STON1: variants seen among roughly 807,000 people sequenced by gnomAD.
STON1 encodes stonin-1.
A neutral mutation model predicts 60.9 loss-of-function variants in STON1; 79 were observed. That is an observed-to-expected ratio of 1.30 (90% confidence interval 1.08 to 1.56). The LOEUF (loss-of-function observed/expected upper bound fraction) is 1.56. Among genes scored for constraint, STON1 ranks in the 40% most tolerant of loss-of-function variants. STON1 has a pLI of 0.00. For synonymous variants in STON1, 363 were observed against 306.9 expected, an observed-to-expected ratio of 1.18 and a Z score of -1.91; for missense variants, 1,166 against 858.9, an observed-to-expected ratio of 1.36 and a Z score of -4.47.
rs1672837384 is a variant in STON1, at chr2:48,564,586, TCC to T, written c.-47-16000_-47-15999del. Among the ~76,000 whole-genome samples, 53 of 65,874 alleles carry T rather than the reference TCC, an allele frequency of 8.0e-4. 11 individuals are homozygous for T. Among genetic ancestry groups the T allele is most frequent in the Non-Finnish European group, 7.3e-4 (21 of 28,832 alleles). The allele number at this position is 65,874 out of a possible 152,430, so 43.2% of individuals were successfully genotyped here. On this transcript the variant is annotated intron_variant, in intron 1 of 3. Transcript: ENST00000404752. ...CTTCTTCTCCTTCTCCTTCTCCTCCTCCTCCTCCTCCTCCTCCTTCTCCTTCT... is the reference window on the plus strand; with the variant it reads ...CTTCTTCTCCTTCTCCTTCTCCTCCTTCCTCCTCCTCCTCCTTCTCCTTCT...
rs116688351 is a variant in STON1, at chr2:48,542,470, G to A, written c.-48+12254G>A. ...AGTAATAACAAAATCCACCTCAAAA[G>A]GTTGTTCTGAAGATCAAGTGAGATA... On this transcript the variant is annotated intron_variant, in intron 1 of 3. Transcript: ENST00000404752. Among the ~76,000 whole-genome samples, 1,482 of 152,202 alleles carry A rather than the reference G, an allele frequency of 9.7e-3. 24 individuals are homozygous for A. The highest frequency in any genetic ancestry group is 0.032 in the African/African-American group (1,311 of 41,516).
intron 1 of STON1, among the ~76,000 whole-genome samples, chr2:48,568,764 T>C (rs1673056211): frequency 6.6e-6 from 1 of 152,186 alleles, no homozygotes; most frequent in Admixed American, 6.5e-5. Flanking sequence ...TGAGCAACCT[T>C]GGGGAAAATT....
In STON1 at chr2:48,534,002, C is replaced by T. The variant is rs985388680; in HGVS notation, c.-48+3786C>T. ...CAGGCTGGTTTCGAACTCCTGATCTCAGGTGATCCGCCAGCCTCAGCCTCC... is the reference window on the plus strand; with the variant it reads ...CAGGCTGGTTTCGAACTCCTGATCTTAGGTGATCCGCCAGCCTCAGCCTCC... On this transcript the variant is annotated intron_variant, in intron 1 of 3. Transcript: ENST00000404752. Among the ~76,000 whole-genome samples the T allele has an allele frequency of 5.9e-5, 9 of 152,046 alleles. No individual in the cohort carries two copies. The South Asian group carries it at 1.9e-3, about 32-fold the overall frequency.
At chr2:48,549,021 C>T (rs777098661) in intron 1 of STON1, among the ~76,000 whole-genome samples, 5 of 152,128 alleles carry the variant, frequency 3.3e-5, no homozygotes, top group Non-Finnish European at 7.3e-5. Flanking sequence ...AGCCCGGAAC[C>T]CACATTTCTT....
intron 2 of STON1, among the ~76,000 whole-genome samples, chr2:48,587,475 T>C (rs748445110): frequency 2.0e-5 from 3 of 152,088 alleles, no homozygotes; most frequent in African/African-American, 4.8e-5. Context: ...GTGTTTTTAG[T>C]AGAGATGGGG....
intron 1 of STON1, among the ~76,000 whole-genome samples, chr2:48,578,669 A>G (rs1009902319): frequency 2.9e-4 from 39 of 135,362 alleles, no homozygotes; most frequent in African/African-American, 1.1e-3. Context: ...GCTCACTGCA[A>G]CCTCCTCCTC....
chr2:48,576,077 G>T (rs192195901), intron 1 of STON1, among the ~76,000 whole-genome samples: 212 of 150,792 alleles, frequency 1.4e-3, no homozygotes, highest in Non-Finnish European at 2.5e-3. Context: ...ATTTTTTGAG[G>T]GCCTTCCATA....
In STON1 at chr2:48,534,087, G is replaced by C. The variant is rs575456803; in HGVS notation, c.-48+3871G>C. ...CCTGGCCTGGGGTTAATTTTTGAAAGCAAGTTATAAAATGGAAAGCACTAT... is the reference window on the plus strand; with the variant it reads ...CCTGGCCTGGGGTTAATTTTTGAAACCAAGTTATAAAATGGAAAGCACTAT... On this transcript the variant is annotated intron_variant, in intron 1 of 3. Transcript: ENST00000404752. 8.5e-5 allele frequency among the ~76,000 whole-genome samples: 13 copies of C among 152,122 alleles called. 1 individual carries two copies. The South Asian group carries it at 2.7e-3, about 32-fold the overall frequency.
At chr2:48,570,630 A>T (rs1224428501) in intron 1 of STON1, among the ~76,000 whole-genome samples, 1 of 152,080 alleles carries the variant, frequency 6.6e-6, no homozygotes, top group Non-Finnish European at 1.5e-5. Flanking sequence ...TCCTGGTGTG[A>T]ATAGGCATGT....
chr2:48,589,346 C>G (rs1324623701), intron 2 of STON1, among the ~76,000 whole-genome samples: 1 of 152,176 alleles, frequency 6.6e-6, no homozygotes. Context: ...TGAACAATGA[C>G]CAAAGCTGGA....
chr2:48,538,070 C>T (rs1671503197), intron 1 of STON1, among the ~76,000 whole-genome samples: 1 of 151,764 alleles, frequency 6.6e-6, no homozygotes, highest in African/African-American at 2.4e-5. Context: ...TCTCCTGCCT[C>T]AGCCTCCTTA....
intron 1 of STON1, among the ~76,000 whole-genome samples, chr2:48,549,074 G>T (rs1037173525): frequency 6.6e-6 from 1 of 152,184 alleles, no homozygotes; most frequent in Non-Finnish European, 1.5e-5. Context: ...CAGTGCATTT[G>T]CTAATAGCAC....
At chr2:48,551,698 A>T (rs1005331881) in intron 1 of STON1, among the ~76,000 whole-genome samples, 8 of 152,264 alleles carry the variant, frequency 5.3e-5, no homozygotes, top group African/African-American at 1.9e-4. Context: ...CTTGCCTTGC[A>T]AGGAGCATGT....
At chr2:48,538,501 C>T (rs145746480) in intron 1 of STON1, among the ~76,000 whole-genome samples, 4 of 151,996 alleles carry the variant, frequency 2.6e-5, no homozygotes, top group African/African-American at 9.6e-5. Context: ...CATAGTTATT[C>T]GTAATTTTCT....
intron 1 of STON1, among the ~76,000 whole-genome samples, chr2:48,532,683 G>A (rs530616226): frequency 1.3e-5 from 2 of 152,276 alleles, no homozygotes; most frequent in Admixed American, 1.3e-4. Flanking sequence ...GGTTTGCCAC[G>A]GGTACAAGAG....
At chr2:48,568,225 C>G (rs1269096481) in intron 1 of STON1, among the ~76,000 whole-genome samples, 1 of 152,050 alleles carries the variant, frequency 6.6e-6, no homozygotes, top group African/African-American at 2.4e-5. Context: ...AGTCCTCCCC[C>G]AACATCTAGC....
At chr2:48,539,054 A>G (rs896001043) in intron 1 of STON1, among the ~76,000 whole-genome samples, 1 of 152,000 alleles carries the variant, frequency 6.6e-6, no homozygotes, top group African/African-American at 2.4e-5. Flanking sequence ...AGTAGCTGAG[A>G]CTACAGGTGC....
intron 3 of STON1, 136 bp downstream of exon 3, chr2:48,591,991 G>A: frequency 8.1e-7 from 1 of 1,236,220 alleles, no homozygotes. Context: ...TCTCAGCTAT[G>A]GAAACTTGAT....
At chr2:48,571,073 C>G (rs1673184924) in intron 1 of STON1, among the ~76,000 whole-genome samples, 1 of 152,084 alleles carries the variant, frequency 6.6e-6, no homozygotes, top group South Asian at 2.1e-4. Flanking sequence ...CCAGGCTGCT[C>G]TTGAACTCCT....
Sources: gnomAD v4.1 joint callset for allele counts (sites outside exome capture counted in the v4.1 genomes callset) on GRCh38, gnomAD v4.1.1 for gene constraint, MANE v1.5 for transcripts, NCBI Gene and HGNC (gene_info 2026-07-23, HGNC 2026-07-21) for gene names.